TTYH1: variants seen among roughly 807,000 people sequenced by gnomAD.
The protein encoded by TTYH1 is protein tweety homolog 1.
A neutral mutation model predicts 61.2 loss-of-function variants in TTYH1; 33 were observed. That is an observed-to-expected ratio of 0.54 (90% CI 0.41 to 0.72). The LOEUF (loss-of-function observed/expected upper bound fraction) is 0.72. Among genes scored for constraint, TTYH1 ranks in the 30% least tolerant of loss-of-function variants. The pLI, the probability that TTYH1 is intolerant of heterozygous loss-of-function variation, is 0.00. For missense variants in TTYH1, 538 were observed against 575.8 expected (o/e 0.93, Z 0.67); for synonymous variants, 308 against 266.4 (o/e 1.16, Z -1.52).
intron 10 of TTYH1, chr19:54,435,238 T>A: frequency 2.8e-6 from 1 of 359,468 alleles, no homozygotes; most frequent in Middle Eastern, 7.5e-4. Context: ...TGTGGGGTGC[T>A]GACTGGGGAG....
Position 54,416,795 on chromosome 19 carries a change from G to C in TTYH1, c.126+1117G>C. On this transcript the variant is annotated intron_variant, in intron 1 of 13. Coordinates refer to ENST00000376530, the MANE Select transcript of TTYH1 (RefSeq NM_020659.4). The surrounding 1 kb of genome is among the most constrained non-coding windows in gnomAD (Gnocchi z 7.0). ...GCCGTCCCCTCGCCCACAGCCTCGC[G>C]GTTACACAACGGCCACCTCCAACAA... The C allele has an allele frequency of 7.7e-7, 1 of 1,294,088 alleles. No individual in the cohort carries two copies. The allele number at this position is 1,294,088 out of a possible 1,614,324, so 80.2% of individuals were successfully genotyped here.
At position 54,416,154 on chromosome 19, in the gene TTYH1, A is replaced by T. The variant is rs900749492; in HGVS notation, c.126+476A>T. The T allele has an allele frequency of 1.8e-5, 20 of 1,087,360 alleles. No individual in the cohort carries two copies. Among genetic ancestry groups the T allele is most frequent in the Non-Finnish European group, 2.5e-5 (20 of 792,482 alleles). 67.4% of individuals were successfully genotyped at this position (1,087,360 alleles called of 1,614,324 possible). The stretch of plus-strand genomic sequence containing the variant: ...AAACGCTGGCTGCTGCGGTGCTGGG[A>T]TGGGATTGAGAGTCTGAAATGGGGA... On this transcript the variant is annotated intron_variant, in intron 1 of 13. Coordinates refer to ENST00000376530, the MANE Select transcript of TTYH1 (RefSeq NM_020659.4). This position sits in a 1 kb window ranked among gnomAD's most constrained non-coding sequence, Gnocchi z 7.0.
intron 5 of TTYH1, 45 bp downstream of exon 5, chr19:54,426,813 C>T (rs1249017440): frequency 3.2e-6 from 5 of 1,544,234 alleles, no homozygotes; most frequent in East Asian, 4.5e-5. Flanking sequence ...CTGGCACTCT[C>T]CTGGCAGGCA....
In TTYH1 at chr19:54,419,585, C is replaced by T; in HGVS notation, c.305+279C>T. 1 of 667,782 alleles carries T rather than the reference C, an allele frequency of 1.5e-6. No homozygotes were observed. The highest frequency in any genetic ancestry group is 2.9e-5 in the East Asian group (1 of 34,164). The allele number at this position is 667,782 out of a possible 1,614,324, so 41.4% of individuals were successfully genotyped here. ...CAGTCAGATGGCCTGGTTTTGGTGG[C>T]TCTCCCATTGAATAGCTGTGTGACC... On this transcript the variant is annotated intron_variant, in intron 2 of 13. Transcript: ENST00000376530. This position sits in a 1 kb window ranked among gnomAD's most constrained non-coding sequence, Gnocchi z 6.1.
At chr19:54,435,960 C>A in intron 12 of TTYH1, 87 bp downstream of exon 12, 1 of 1,589,744 alleles carries the variant, frequency 6.3e-7, no homozygotes, top group Middle Eastern at 1.7e-4. Flanking sequence ...GCCTGGCCGC[C>A]TGGGTCTGAG....
Position 54,415,477 on chromosome 19 carries a change from G to A in TTYH1, c.-76G>A. On this transcript the variant is annotated 5_prime_UTR_variant, in exon 1 of 14. Transcript: ENST00000376530. The surrounding 1 kb of genome is among the most constrained non-coding windows in gnomAD (Gnocchi z 5.2). ...TCCCCTGAGCCCAGCCAGACCCCGCGCCGCCCGCGCCCCGCTCGACTCCGG... is the reference window on the plus strand; with the variant it reads ...TCCCCTGAGCCCAGCCAGACCCCGCACCGCCCGCGCCCCGCTCGACTCCGG... The A allele has an allele frequency of 3.7e-6, 4 of 1,076,816 alleles. No individual in the cohort carries two copies. The highest frequency in any genetic ancestry group is 4.5e-6 in the Non-Finnish European group (4 of 887,542). 66.7% of individuals were successfully genotyped at this position (1,076,816 alleles called of 1,614,324 possible).
chr19:54,428,716 G>A (rs192743993), intron 5 of TTYH1, among the ~76,000 whole-genome samples: 1 of 152,306 alleles, frequency 6.6e-6, no homozygotes. Flanking sequence ...TTGCCCCTGA[G>A]AGAGTGGGAG....
chr19:54,419,268 C>A lies in TTYH1; in HGVS notation c.267C>A (p.Cys89Ter). The A allele has an allele frequency of 6.2e-7, 1 of 1,603,654 alleles. No individual in the cohort carries two copies. Residue 89 changes from cysteine (C) to a stop codon, truncating the protein, a stop_gained, in exon 2 of 14, where the codon TGC becomes TGA. Coordinates refer to ENST00000376530, the MANE Select transcript of TTYH1 (RefSeq NM_020659.4). LOFTEE classifies it high-confidence loss of function. This position sits in a 1 kb window ranked among gnomAD's most constrained non-coding sequence, Gnocchi z 6.1. Reference sequence around the variant, plus strand: ...AGATCCCCTCGCCCGGGGGAGGCTGCGTCACCTGGAGCTGCATTGTCGCCC... The same window carrying A: ...AGATCCCCTCGCCCGGGGGAGGCTGAGTCACCTGGAGCTGCATTGTCGCCC... ...GSKIPSPGGG[C>*]VTWSCIVALL...
At position 54,435,591 on chromosome 19, in the gene TTYH1, T is replaced by A; in HGVS notation, c.1175T>A (p.Leu392Gln). Residue 392 changes from leucine to glutamine, a missense_variant, in exon 11 of 14, where the codon CTG becomes CAG. Around this residue, in one of 3 missense-constraint regions of TTYH1, gnomAD observed 378 missense variants for 401.2 expected, o/e 0.94. Coordinates refer to ENST00000376530, the MANE Select transcript of TTYH1 (RefSeq NM_020659.4). The part of the protein sequence containing the change: ...RGLCEDALEG[L>Q]LFLLLFSLLS... Reference sequence around the variant, plus strand: ...CTGTGCGAAGACGCCCTGGAAGGCCTGCTCTTCCTGCTACTCTTCTCCCTG... The same window carrying A: ...CTGTGCGAAGACGCCCTGGAAGGCCAGCTCTTCCTGCTACTCTTCTCCCTG... The A allele has an allele frequency of 2.5e-6, 4 of 1,611,102 alleles. No individual in the cohort carries two copies. Among genetic ancestry groups the A allele is most frequent in the Non-Finnish European group, 2.5e-6 (3 of 1,179,622 alleles).
chr19:54,436,275 T>C lies in TTYH1; in HGVS notation c.*43-58T>C. ...GGCTGCGTGCCTCCTGCTGGGTGGA[T>C]CGCACCGGGCAGGCCCTCCAGCCTG... On this transcript the variant is annotated intron_variant, in intron 13 of 13. Coordinates refer to ENST00000376530, the MANE Select transcript of TTYH1 (RefSeq NM_020659.4). The surrounding 1 kb of genome is among the most constrained non-coding windows in gnomAD (Gnocchi z 4.3). The C allele has an allele frequency of 1.2e-6, 2 of 1,611,586 alleles. No homozygotes were observed. Among genetic ancestry groups the C allele is most frequent in the South Asian group, 2.2e-5 (2 of 90,994 alleles).
chr19:54,415,608 T>C lies in TTYH1; in HGVS notation c.56T>C (p.Leu19Pro). Reference protein sequence around the residue: ...PSAWVHLLHQLPRADFQLRPV... With the variant: ...PSAWVHLLHQPPRADFQLRPV... ...GCTTGGGTGCATCTCCTCCACCAGC[T>C]GCCCCGCGCCGACTTCCAGCTCCGC... Residue 19 changes from leucine to proline, a missense_variant, in exon 1 of 14, where the codon CTG (leucine) becomes CCG (proline). This residue lies in a region of TTYH1 where 157 missense variants were observed against 157.0 expected (regional missense o/e 1.00). Coordinates refer to ENST00000376530, the MANE Select transcript of TTYH1 (RefSeq NM_020659.4). This position sits in a 1 kb window ranked among gnomAD's most constrained non-coding sequence, Gnocchi z 5.2. The C allele has an allele frequency of 6.4e-7, 1 of 1,556,596 alleles. No individual in the cohort carries two copies. The highest frequency in any genetic ancestry group is 8.6e-7 in the Non-Finnish European group (1 of 1,158,598).
In TTYH1 at chr19:54,415,974, A is replaced by G. The variant is rs2083069739; in HGVS notation, c.126+296A>G. On this transcript the variant is annotated intron_variant, in intron 1 of 13. Coordinates refer to ENST00000376530, the MANE Select transcript of TTYH1 (RefSeq NM_020659.4). The surrounding 1 kb of genome is among the most constrained non-coding windows in gnomAD (Gnocchi z 5.2). ...GGGCCCGGATTCCCGGGTGTCTGAT[A>G]CCTGCCTGGGAAGCCGGCCTCCAGG... 3 of 1,259,092 alleles carry G rather than the reference A, an allele frequency of 2.4e-6. No homozygotes were observed. The highest frequency in any genetic ancestry group is 3.2e-6 in the Non-Finnish European group (3 of 933,748). The allele number at this position is 1,259,092 out of a possible 1,614,324, so 78.0% of individuals were successfully genotyped here.
rs765050428 is a variant in TTYH1 at position 54,430,529 on chromosome 19, C to A, written c.884-21C>A. 3 of 1,613,928 alleles carry A rather than the reference C, an allele frequency of 1.9e-6. No homozygotes were observed. The South Asian group carries it at 3.3e-5, about 18-fold the overall frequency. ...GGGGCCCAGGCTCATGGCCTCCTCC[C>A]CTCTCCTCCTCCCACTTCAGACATC... On this transcript the variant is annotated intron_variant, in intron 7 of 13. Transcript: ENST00000376530.
At position 54,419,569 on chromosome 19, in the gene TTYH1, G is replaced by A. The variant is rs1031095510; in HGVS notation, c.305+263G>A. On this transcript the variant is annotated intron_variant, in intron 2 of 13. Coordinates refer to ENST00000376530, the MANE Select transcript of TTYH1 (RefSeq NM_020659.4). The surrounding 1 kb of genome is among the most constrained non-coding windows in gnomAD (Gnocchi z 6.1). ...TGAGAAGGCGCAGGGGCAGTCAGAT[G>A]GCCTGGTTTTGGTGGCTCTCCCATT... The A allele has an allele frequency of 7.3e-6, 5 of 682,214 alleles. No individual in the cohort carries two copies. The highest frequency in any genetic ancestry group is 1.3e-5 in the Non-Finnish European group (5 of 372,838). 42.3% of individuals were successfully genotyped at this position (682,214 alleles called of 1,614,324 possible). A position where few individuals can be genotyped will look rare whatever the true frequency, so the allele number is the denominator to read the frequency against.
At position 54,429,275 on chromosome 19, in the gene TTYH1, A is replaced by G. The variant is rs762270540; in HGVS notation, c.735-32A>G. 4 of 1,606,192 alleles carry G rather than the reference A, an allele frequency of 2.5e-6. No individual in the cohort carries two copies. Among genetic ancestry groups the G allele is most frequent in the African/African-American group, 1.3e-5 (1 of 74,602 alleles). On this transcript the variant is annotated intron_variant, in intron 5 of 13. Transcript: ENST00000376530. This position sits in a 1 kb window ranked among gnomAD's most constrained non-coding sequence, Gnocchi z 5.1. ...AAGAGGCTAGGCTAGGAGATTAAGA[A>G]CCCCGGGCTGATCCTCCCTCCCCCA... is the stretch of plus-strand genomic sequence containing the variant.
intron 4 of TTYH1, among the ~76,000 whole-genome samples, chr19:54,425,593 A>G (rs2122899875): frequency 6.6e-6 from 1 of 152,286 alleles, no homozygotes; most frequent in Non-Finnish European, 1.5e-5. Flanking sequence ...CTTCCCAGCT[A>G]GGCTTAGGGA....
rs376518513 is a variant in TTYH1 at position 54,419,261 on chromosome 19, G to A, written c.260G>A (p.Gly87Glu). ...GGGTCCAAGATCCCCTCGCCCGGGG[G>A]AGGCTGCGTCACCTGGAGCTGCATT... ...PPGSKIPSPG[G>E]GCVTWSCIVA... Residue 87 changes from glycine to glutamate, a missense_variant, in exon 2 of 14, where the codon GGA becomes GAA. Physicochemically the swap from Gly to Glu is moderately conservative, Grantham distance 98. Coordinates refer to ENST00000376530, the MANE Select transcript of TTYH1 (RefSeq NM_020659.4). The surrounding 1 kb of genome is among the most constrained non-coding windows in gnomAD (Gnocchi z 6.1). 2.5e-6 allele frequency: 4 copies of A among 1,606,232 alleles called. No individual in the cohort carries two copies. The highest frequency in any genetic ancestry group is 3.4e-6 in the Non-Finnish European group (4 of 1,179,796).
chr19:54,426,805 G>T, intron 5 of TTYH1, 37 bp downstream of exon 5: 1 of 1,580,066 alleles, frequency 6.3e-7, no homozygotes, highest in Non-Finnish European at 8.7e-7. Flanking sequence ...GTGCTTGCCT[G>T]GCACTCTCCT....
Position 54,429,197 on chromosome 19 carries a change from C to G in TTYH1, c.735-110C>G. ...GTTTCCCTAATTCTGATCCTCCAGG[C>G]TCCAGAGGTGGGTGGAGGTGGGGGG... On this transcript the variant is annotated intron_variant, in intron 5 of 13. Transcript: ENST00000376530. The surrounding 1 kb of genome is among the most constrained non-coding windows in gnomAD (Gnocchi z 5.1). The G allele has an allele frequency of 1.0e-6, 1 of 972,258 alleles. No homozygotes were observed. Among genetic ancestry groups the G allele is most frequent in the South Asian group, 1.4e-5 (1 of 72,314 alleles). The allele number at this position is 972,258 out of a possible 1,614,324, so 60.2% of individuals were successfully genotyped here.
Sources: allele counts gnomAD v4.1 joint callset (sites outside exome capture counted in the v4.1 genomes callset), GRCh38; gene constraint gnomAD v4.1.1; regional missense constraint gnomAD v4.1.1; non-coding constraint Gnocchi (gnomAD v3.1); transcripts MANE v1.5; gene names NCBI Gene and HGNC (gene_info 2026-07-23, HGNC 2026-07-21).